Variants in RALYL observed in about 807,000 individuals in gnomAD.
RALYL encodes RNA-binding Raly-like protein.
A neutral mutation model predicts 35.1 loss-of-function variants in RALYL; 29 were observed. The observed-to-expected ratio is 0.83, with a 90% CI of 0.61 to 1.13. The LOEUF (loss-of-function observed/expected upper bound fraction) is 1.13, where lower values mean the gene tolerates loss of function less well. RALYL is among the 50% of genes most tolerant of loss of function. RALYL has a pLI of 0.00. For missense variants in RALYL, 359 were observed against 360.4 expected, an observed-to-expected ratio of 1.00 and a Z score of 0.03; for synonymous variants, 120 against 127.6, an observed-to-expected ratio of 0.94 and a Z score of 0.40.
chr8:84,839,949 A>G (rs1832853131), intron 4 of RALYL, among the ~76,000 whole-genome samples: 1 of 152,254 alleles, frequency 6.6e-6, no homozygotes, highest in African/African-American at 2.4e-5. Context: ...AAGGACATCC[A>G]CACCAAAACC....
chr8:84,298,364 G>A (rs1370373603), intron 1 of RALYL, among the ~76,000 whole-genome samples: 3 of 151,968 alleles, frequency 2.0e-5, no homozygotes, highest in African/African-American at 7.3e-5. Context: ...CCTTATTTCT[G>A]CACTTTCTAT....
At chr8:84,827,494 A>C (rs1048381270) in intron 4 of RALYL, among the ~76,000 whole-genome samples, 17 of 152,150 alleles carry the variant, frequency 1.1e-4, no homozygotes, top group African/African-American at 3.6e-4. Context: ...TGATCACATG[A>C]ATAGACTTAT....
At chr8:84,767,567 G>A (rs900028053) in intron 2 of RALYL, among the ~76,000 whole-genome samples, 2 of 152,062 alleles carry the variant, frequency 1.3e-5, no homozygotes, top group Non-Finnish European at 2.9e-5. Flanking sequence ...AGAGAATCAT[G>A]ACAAAATGCA....
chr8:84,390,531 G>A (rs1039540230), intron 1 of RALYL, among the ~76,000 whole-genome samples: 1 of 152,018 alleles, frequency 6.6e-6, no homozygotes, highest in Non-Finnish European at 1.5e-5. Context: ...CCTGTTATTG[G>A]TCTATTCAGA....
At chr8:84,783,909 A>G (rs963085191) in intron 3 of RALYL, among the ~76,000 whole-genome samples, 1 of 152,240 alleles carries the variant, frequency 6.6e-6, no homozygotes, top group African/African-American at 2.4e-5. Flanking sequence ...AAAAGTGAGC[A>G]ACCAGCCAGG....
At chr8:84,761,777 G>A (rs893338348) in intron 2 of RALYL, among the ~76,000 whole-genome samples, 4 of 152,076 alleles carry the variant, frequency 2.6e-5, no homozygotes, top group African/African-American at 4.8e-5. Flanking sequence ...AGCAAAACAG[G>A]CAAACATGGG....
chr8:84,733,853 C>T (rs1846711467), intron 2 of RALYL, among the ~76,000 whole-genome samples: 1 of 152,086 alleles, frequency 6.6e-6, no homozygotes, highest in Non-Finnish European at 1.5e-5. Context: ...CAGCCAAGTC[C>T]AGAGATGCTA....
chr8:84,522,539 G>A (rs964897565), intron 1 of RALYL, among the ~76,000 whole-genome samples: 40 of 152,190 alleles, frequency 2.6e-4, no homozygotes, highest in Middle Eastern at 3.4e-3. Context: ...GTGAGCCACC[G>A]CGCCCGGCCT....
rs534000803 is a variant in RALYL, at chr8:84,293,905, T to TA, written c.-24+109481_-24+109482insA. 7.7e-3 allele frequency among the ~76,000 whole-genome samples: 1,178 copies of TA among 152,190 alleles called. 18 individuals carry two copies. The highest frequency in any genetic ancestry group is 0.027 in the African/African-American group (1,133 of 41,556). On this transcript the variant is annotated intron_variant, in intron 1 of 8. Coordinates refer to ENST00000521268, the MANE Select transcript of RALYL (RefSeq NM_173848.7). ...ACATTTTCTTATGTATGAAATTCAG[T>TA]TTTCTATTTTTCTTCTTGCAGCAGT...
intron 3 of RALYL, among the ~76,000 whole-genome samples, chr8:84,789,664 C>T (rs1820337668): frequency 6.6e-6 from 1 of 152,124 alleles, no homozygotes. Context: ...TCGAGACCAG[C>T]TTGGGCAACA....
chr8:84,834,234 G>C (rs1831494095), intron 4 of RALYL, among the ~76,000 whole-genome samples: 1 of 152,176 alleles, frequency 6.6e-6, no homozygotes. Context: ...AAACTGGGTT[G>C]TGTCAGTCAG....
intron 1 of RALYL, among the ~76,000 whole-genome samples, chr8:84,503,099 A>G (rs953789783): frequency 1.3e-5 from 2 of 152,096 alleles, no homozygotes; most frequent in African/African-American, 4.8e-5. Flanking sequence ...AGCAAAATCT[A>G]TGTGAGTTTT....
chr8:84,706,678 C>A (rs1841271583), intron 2 of RALYL, among the ~76,000 whole-genome samples: 1 of 152,136 alleles, frequency 6.6e-6, no homozygotes, highest in Admixed American at 6.6e-5. Context: ...TGAAAAGGAG[C>A]AGCACAATTA....
intron 1 of RALYL, among the ~76,000 whole-genome samples, chr8:84,516,347 C>CT (rs1240627589): frequency 1.6e-4 from 22 of 138,304 alleles, no homozygotes; most frequent in African/African-American, 4.1e-4. Context: ...AAGTATTTTA[C>CT]TTTTTTTTGT....
chr8:84,522,583 A>G (rs2058550080), intron 1 of RALYL, among the ~76,000 whole-genome samples: 1 of 152,124 alleles, frequency 6.6e-6, no homozygotes, highest in Non-Finnish European at 1.5e-5. Context: ...TGTTTAATTC[A>G]AATATCACTC....
chr8:84,703,504 G>A (rs1056562274), intron 2 of RALYL, among the ~76,000 whole-genome samples: 6 of 151,992 alleles, frequency 3.9e-5, no homozygotes, highest in African/African-American at 1.5e-4. Flanking sequence ...GAGGGTGGGG[G>A]CTTCTTGTAC....
At chr8:84,772,381 C>A (rs533353423) in intron 2 of RALYL, among the ~76,000 whole-genome samples, 1 of 151,884 alleles carries the variant, frequency 6.6e-6, no homozygotes, top group African/African-American at 2.4e-5. Flanking sequence ...AAGCTTCAGG[C>A]ATATACATAA....
chr8:84,540,577 G>A (rs918820642), intron 2 of RALYL, among the ~76,000 whole-genome samples: 10 of 151,312 alleles, frequency 6.6e-5, no homozygotes, highest in Admixed American at 5.3e-4. Flanking sequence ...GTTGTCTTGT[G>A]TGTTTTTTTT....
rs564294006 is a variant in RALYL, at chr8:84,457,249, G to T, written c.-23-72050G>T. 4.6e-5 allele frequency among the ~76,000 whole-genome samples: 7 copies of T among 152,010 alleles called. No homozygotes were observed. The South Asian group carries it at 1.5e-3, about 32-fold the overall frequency. ...CCTAAATGATGTACCATAACTCATA[G>T]AATAGACAAGTAGTATTACAAGATA... On this transcript the variant is annotated intron_variant, in intron 1 of 8. Coordinates refer to ENST00000521268, the MANE Select transcript of RALYL (RefSeq NM_173848.7).
Sources: gnomAD v4.1 joint callset for allele counts (sites outside exome capture counted in the v4.1 genomes callset) on GRCh38, gnomAD v4.1.1 for gene constraint, MANE v1.5 for transcripts, NCBI Gene and HGNC (gene_info 2026-07-23, HGNC 2026-07-21) for gene names.